SPAG16: variants seen among roughly 807,000 people sequenced by gnomAD.
SPAG16 encodes the protein sperm-associated antigen 16 protein.
A neutral mutation model predicts 80.4 loss-of-function variants in SPAG16; 86 were observed. The ratio of observed to expected loss-of-function variants is 1.07; its 90% CI spans 0.90 to 1.28. SPAG16 has a LOEUF of 1.28. Ranked by LOEUF, SPAG16 falls within the 50% of genes most tolerant of loss-of-function variation. The pLI is 0.00. For missense variants in SPAG16, 870 were observed against 765.3 expected, an observed-to-expected ratio of 1.14 and a Z score of -1.61; for synonymous variants, 294 against 265.9, an observed-to-expected ratio of 1.11 and a Z score of -1.03.
intron 14 of SPAG16, among the ~76,000 whole-genome samples, chr2:214,129,566 TA>T (rs931673327): frequency 3.3e-5 from 5 of 152,156 alleles, no homozygotes; most frequent in Non-Finnish European, 7.3e-5. Context: ...GTAATAATAA[TA>T]GCATTATTTT....
At chr2:214,343,325 G>C (rs1380827483) in intron 15 of SPAG16, among the ~76,000 whole-genome samples, 6 of 152,030 alleles carry the variant, frequency 3.9e-5, no homozygotes. Context: ...TGGAGAATCA[G>C]ATTTTTAAAA....
chr2:213,385,331 T>G (rs149412953), intron 9 of SPAG16, among the ~76,000 whole-genome samples: 71 of 152,298 alleles, frequency 4.7e-4, no homozygotes, highest in Middle Eastern at 3.4e-3. Flanking sequence ...AAATACCAGT[T>G]TCCTTTCTAG....
intron 10 of SPAG16, among the ~76,000 whole-genome samples, chr2:213,587,301 C>G (rs1020641731): frequency 3.3e-5 from 5 of 152,132 alleles, no homozygotes; most frequent in African/African-American, 1.2e-4. Context: ...TGGAGCCATC[C>G]TAGGTCAGAT....
At chr2:214,202,341 T>A (rs2125722504) in intron 15 of SPAG16, among the ~76,000 whole-genome samples, 1 of 152,196 alleles carries the variant, frequency 6.6e-6, no homozygotes, top group Admixed American at 6.5e-5. Flanking sequence ...AAAAGAGGGA[T>A]AAGGAAAGAT....
intron 5 of SPAG16, among the ~76,000 whole-genome samples, chr2:213,339,278 A>G (rs981489661): frequency 6.6e-6 from 1 of 152,222 alleles, no homozygotes. Flanking sequence ...TTTTGAAATA[A>G]TTGTGACCCA....
intron 13 of SPAG16, among the ~76,000 whole-genome samples, chr2:214,095,753 G>A (rs888675727): frequency 6.6e-6 from 1 of 151,776 alleles, no homozygotes; most frequent in Non-Finnish European, 1.5e-5. Context: ...TATGCAAGAT[G>A]AAAAAGTTTT....
At chr2:213,384,316 G>A (rs963579282) in intron 9 of SPAG16, among the ~76,000 whole-genome samples, 3 of 152,132 alleles carry the variant, frequency 2.0e-5, no homozygotes, top group African/African-American at 7.2e-5. Flanking sequence ...GAATTAATGT[G>A]GAAGTTCTGC....
intron 15 of SPAG16, among the ~76,000 whole-genome samples, chr2:214,407,211 AT>A: frequency 6.6e-6 from 1 of 152,094 alleles, no homozygotes; most frequent in African/African-American, 2.4e-5. Context: ...ATTTCATGTG[AT>A]TTTTATGGAA....
chr2:213,785,684 A>G (rs2070292971), intron 10 of SPAG16, among the ~76,000 whole-genome samples: 1 of 152,194 alleles, frequency 6.6e-6, no homozygotes, highest in Non-Finnish European at 1.5e-5. Context: ...TAATTAATAA[A>G]TGAACATTAA....
chr2:214,138,525 T>A (rs1402516780), intron 14 of SPAG16, among the ~76,000 whole-genome samples: 1 of 152,164 alleles, frequency 6.6e-6, no homozygotes, highest in East Asian at 1.9e-4. Flanking sequence ...AATATACCAA[T>A]TTGGCATATT....
intron 4 of SPAG16, 114 bp downstream of exon 4, chr2:213,310,291 CT>C: frequency 3.7e-6 from 2 of 536,462 alleles, no homozygotes; most frequent in Admixed American, 7.2e-5. Context: ...TGACTAGAAA[CT>C]TTTCCCATCT....
intron 10 of SPAG16, among the ~76,000 whole-genome samples, chr2:213,524,486 TG>T (rs921461353): frequency 6.6e-6 from 1 of 152,086 alleles, no homozygotes; most frequent in Admixed American, 6.5e-5. Context: ...CCTGTGTGCC[TG>T]GAAAAGCCAC....
At chr2:213,451,434 G>C (rs2071684396) in intron 9 of SPAG16, among the ~76,000 whole-genome samples, 3 of 152,018 alleles carry the variant, frequency 2.0e-5, no homozygotes, top group African/African-American at 7.2e-5. Context: ...CTCCACCTTG[G>C]ATGTCTCAAA....
At chr2:214,133,102 A>T (rs1316038671) in intron 14 of SPAG16, among the ~76,000 whole-genome samples, 131 of 131,440 alleles carry the variant, frequency 1.0e-3, no homozygotes, top group African/African-American at 3.4e-3. Context: ...CAAATAAAAT[A>T]AAATAAAAAA....
At chr2:214,392,174 T>G (rs1224009599) in intron 15 of SPAG16, among the ~76,000 whole-genome samples, 1 of 152,104 alleles carries the variant, frequency 6.6e-6, no homozygotes, top group Non-Finnish European at 1.5e-5. Flanking sequence ...TTTTTTCTTC[T>G]TTTTTTGAGA....
chr2:214,037,147 G>A (rs1488057962), intron 13 of SPAG16, among the ~76,000 whole-genome samples: 1 of 151,324 alleles, frequency 6.6e-6, no homozygotes, highest in Non-Finnish European at 1.5e-5. Context: ...GAGGTTATAG[G>A]GTTTCCTTTT....
chr2:214,265,068 A>T (rs1314098347), intron 15 of SPAG16, among the ~76,000 whole-genome samples: 1 of 152,160 alleles, frequency 6.6e-6, no homozygotes, highest in African/African-American at 2.4e-5. Flanking sequence ...TTTTGCAATT[A>T]TGGGAAAGAT....
intron 9 of SPAG16, among the ~76,000 whole-genome samples, chr2:213,440,562 C>T (rs1444341063): frequency 6.6e-6 from 1 of 151,250 alleles, no homozygotes; most frequent in Non-Finnish European, 1.5e-5. Flanking sequence ...CTCAAAACAA[C>T]AACAACAACA....
At chr2:214,200,522 A>T (rs1343139280) in intron 15 of SPAG16, among the ~76,000 whole-genome samples, 1 of 152,008 alleles carries the variant, frequency 6.6e-6, no homozygotes, top group African/African-American at 2.4e-5. Context: ...ATCTATGTTC[A>T]TCAGGGATAT....
Sources: gnomAD v4.1 joint callset for allele counts (sites outside exome capture counted in the v4.1 genomes callset) on GRCh38, gnomAD v4.1.1 for gene constraint, MANE v1.5 for transcripts, NCBI Gene and HGNC (gene_info 2026-07-23, HGNC 2026-07-21) for gene names.